MS4A2: variants seen among roughly 807,000 people sequenced by gnomAD.
MS4A2 encodes high affinity immunoglobulin epsilon receptor subunit beta.
A neutral mutation model predicts 27.9 loss-of-function variants in MS4A2; 26 were observed. The ratio of observed to expected loss-of-function variants is 0.93; its 90% CI spans 0.68 to 1.29. MS4A2 has a LOEUF of 1.29. Ranked by LOEUF, MS4A2 falls within the 50% of genes most tolerant of loss-of-function variation. The pLI is 0.00. For synonymous variants in MS4A2, 110 were observed against 98.8 expected, an observed-to-expected ratio of 1.11 and a Z score of -0.67; for missense variants, 284 against 284.6, an observed-to-expected ratio of 1.00 and a Z score of 0.01.
chr11:60,093,602 T>C, intron 5 of MS4A2, 44 bp downstream of exon 5: 2 of 1,609,480 alleles, frequency 1.2e-6, no homozygotes, highest in Admixed American at 1.7e-5. Context: ...TTCTGGGTCC[T>C]AATGTAAGTA....
At chr11:60,093,806 G>T (rs1590633556) in intron 5 of MS4A2, 158 bp from the exon 6 acceptor site, 1 of 232,250 alleles carries the variant, frequency 4.3e-6, no homozygotes, top group Non-Finnish European at 9.4e-6. Flanking sequence ...CTGTGTTTGT[G>T]TGTGTGTGTG....
intron 1 of MS4A2, 56 bp downstream of exon 1, chr11:60,088,877 CAT>C: frequency 6.5e-7 from 1 of 1,530,844 alleles, no homozygotes; most frequent in Non-Finnish European, 9.0e-7. Flanking sequence ...CAGGGGAAGT[CAT>C]AGTCACGGTG....
At chr11:60,091,321 G>A (rs1855754740) in intron 3 of MS4A2, among the ~76,000 whole-genome samples, 2 of 152,068 alleles carry the variant, frequency 1.3e-5, no homozygotes, top group Admixed American at 6.6e-5. Flanking sequence ...GTTCTATCTG[G>A]AAAAATAGGT....
chr11:60,091,521 T>C (rs533191302), intron 3 of MS4A2, among the ~76,000 whole-genome samples: 1 of 152,336 alleles, frequency 6.6e-6, no homozygotes, highest in African/African-American at 2.4e-5. Flanking sequence ...TAACTCTTTC[T>C]TCCTCCCTCC....
chr11:60,092,153 G>A (rs922897099), intron 3 of MS4A2, among the ~76,000 whole-genome samples: 1 of 152,114 alleles, frequency 6.6e-6, no homozygotes, highest in Admixed American at 6.5e-5. Flanking sequence ...GTTGCTGGAC[G>A]TTGCTACTCC....
At chr11:60,089,588 A>T in intron 1 of MS4A2, 104 bp from the exon 2 acceptor site, 2 of 1,456,732 alleles carry the variant, frequency 1.4e-6, no homozygotes, top group Non-Finnish European at 1.9e-6. Context: ...GAATTACAGG[A>T]TGGCTTTGAA....
intron 5 of MS4A2, 73 bp from the exon 6 acceptor site, chr11:60,093,891 G>T: frequency 8.9e-7 from 1 of 1,122,376 alleles, no homozygotes. Context: ...AACAGGAGAT[G>T]CTATAAGAAA....
Position 60,093,999 on chromosome 11 carries a change from G to A in MS4A2, c.573G>A (p.Leu191=). 6.2e-7 allele frequency: 1 copy of A among 1,613,996 alleles called. No individual in the cohort carries two copies. The highest frequency in any genetic ancestry group is 8.5e-7 in the Non-Finnish European group (1 of 1,179,896). The change falls in exon 6 of 7, where the codon CTG becomes CTA. Residue 191 remains leucine (L), a synonymous_variant. Coordinates refer to ENST00000278888, the MANE Select transcript of MS4A2 (RefSeq NM_000139.5). ...IVVMMLFLTI[L]GLGSAVSLTI... ...TGATGATGCTGTTTCTCACCATTCT[G>A]GGACTTGGTAGTGCTGTGTCACTCA...
chr11:60,093,653 T>G (rs753254803), intron 5 of MS4A2, 95 bp downstream of exon 5: 21 of 1,491,496 alleles, frequency 1.4e-5, no homozygotes, highest in South Asian at 2.3e-5. Context: ...CATCCTTTTC[T>G]GTAACTTCTA....
intron 4 of MS4A2, 85 bp from the exon 5 acceptor site, chr11:60,093,315 T>G: frequency 2.6e-6 from 4 of 1,559,758 alleles, no homozygotes; most frequent in Non-Finnish European, 3.5e-6. Context: ...ATTTACTGGA[T>G]GCATCCAGCC....
chr11:60,094,315 G>A (rs939059247), intron 6 of MS4A2, among the ~76,000 whole-genome samples: 26 of 152,246 alleles, frequency 1.7e-4, no homozygotes, highest in Non-Finnish European at 2.9e-4. Flanking sequence ...ATGCCTTAAA[G>A]TGTGTGGAGC....
At chr11:60,088,935 T>C (rs982359249) in intron 1 of MS4A2, 114 bp downstream of exon 1, 14 of 1,059,160 alleles carry the variant, frequency 1.3e-5, no homozygotes, top group Middle Eastern at 2.0e-4. Flanking sequence ...TCCATCTAGT[T>C]TAATTAATAT....
Position 60,095,986 on chromosome 11 carries a change from G to T in MS4A2, c.*330G>T. 7 of 256,890 alleles carry T rather than the reference G, an allele frequency of 2.7e-5. No individual in the cohort carries two copies. Among genetic ancestry groups the T allele is most frequent in the East Asian group, 1.0e-4 (1 of 9,690 alleles). The allele number at this position is 256,890 out of a possible 1,614,324, so 15.9% of individuals were successfully genotyped here. ...AAAAAGAAGGCTGGCTGAAAGTTGA[G>T]TTAAACTTTGACAGTTTGATAATAT... On this transcript the variant is annotated 3_prime_UTR_variant, in exon 7 of 7. Coordinates refer to ENST00000278888, the MANE Select transcript of MS4A2 (RefSeq NM_000139.5).
rs772519139 is a variant in MS4A2, at chr11:60,093,400, G to GT, written c.380dup (p.Arg128GlufsTer42). On this transcript the variant is annotated frameshift_variant and splice_region_variant, in exon 5 of 7. Transcript: ENST00000278888. LOFTEE classifies it high-confidence loss of function. Reference sequence around the variant, plus strand: ...TCTGAGTGTTCTTCATTATTATCAGGTGAGAGGAAGCCTGGGAGCAAACAC... The same window carrying GT: ...TCTGAGTGTTCTTCATTATTATCAGGTTGAGAGGAAGCCTGGGAGCAAACAC... 4 of 1,614,148 alleles carry GT rather than the reference G, an allele frequency of 2.5e-6. No individual in the cohort carries two copies. Among genetic ancestry groups the GT allele is most frequent in the Middle Eastern group, 1.6e-4 (1 of 6,062 alleles).
chr11:60,090,282 A>G (rs1181421236), intron 2 of MS4A2, 54 bp from the exon 3 acceptor site: 24 of 1,575,856 alleles, frequency 1.5e-5, no homozygotes, highest in Non-Finnish European at 2.1e-5. Context: ...AAAAAATGAT[A>G]CAATCTCGGG....
chr11:60,096,739 T>G lies in MS4A2; in HGVS notation c.*1083T>G, dbSNP rs937600074. On this transcript the variant is annotated 3_prime_UTR_variant, in exon 7 of 7. Transcript: ENST00000278888. Reference sequence around the variant, plus strand: ...TCTACTAAAAATACAAAAAAAAAATTAGCTGGGTGTGGTGGCAGTCACCTG... The same window carrying G: ...TCTACTAAAAATACAAAAAAAAAATGAGCTGGGTGTGGTGGCAGTCACCTG... 1 of 151,586 alleles carries G rather than the reference T, an allele frequency of 6.6e-6. No homozygotes were observed. The highest frequency in any genetic ancestry group is 1.5e-5 in the Non-Finnish European group (1 of 67,930). The allele number at this position is 151,586 out of a possible 1,614,324, so 9.4% of individuals were successfully genotyped here. A position where few individuals can be genotyped will look rare whatever the true frequency, so the allele number is the denominator to read the frequency against.
intron 3 of MS4A2, among the ~76,000 whole-genome samples, chr11:60,091,608 T>C (rs1322980815): frequency 6.6e-6 from 1 of 152,228 alleles, no homozygotes; most frequent in African/African-American, 2.4e-5. Flanking sequence ...TTTTTAGAGC[T>C]TTATATAAGT....
Position 60,096,387 on chromosome 11 carries a change from G to GA in MS4A2, c.*737dup, listed in dbSNP as rs897650489. On this transcript the variant is annotated 3_prime_UTR_variant, in exon 7 of 7. Transcript: ENST00000278888. ...CACAAATGTTTAGTGAAACATTTGT[G>GA]AAAAAAGAAGACTAAATTAAGACCT... The GA allele has an allele frequency of 6.6e-6, 1 of 151,912 alleles. No homozygotes were observed. Among genetic ancestry groups the GA allele is most frequent in the Non-Finnish European group, 1.5e-5 (1 of 67,970 alleles). 9.4% of individuals were successfully genotyped at this position (151,912 alleles called of 1,614,324 possible).
Position 60,096,473 on chromosome 11 carries a change from G to A in MS4A2, c.*817G>A, listed in dbSNP as rs1332763399. The A allele has an allele frequency of 1.3e-5, 2 of 152,194 alleles. No homozygotes were observed. Among genetic ancestry groups the A allele is most frequent in the African/African-American group, 2.4e-5 (1 of 41,446 alleles). The allele number at this position is 152,194 out of a possible 1,614,324, so 9.4% of individuals were successfully genotyped here. A position where few individuals can be genotyped will look rare whatever the true frequency, so the allele number is the denominator to read the frequency against. ...GTTATATCTAAAACATGTAGAAAAA[G>A]AGTAACTGGTAGATTTTGTTAACAA... is the stretch of plus-strand genomic sequence containing the variant. On this transcript the variant is annotated 3_prime_UTR_variant, in exon 7 of 7. Transcript: ENST00000278888.
Sources: allele counts gnomAD v4.1 joint callset (sites outside exome capture counted in the v4.1 genomes callset), GRCh38; gene constraint gnomAD v4.1.1; transcripts MANE v1.5; gene names NCBI Gene and HGNC (gene_info 2026-07-23, HGNC 2026-07-21).